Variants in GRAMD1B observed in about 807,000 individuals in gnomAD.
GRAMD1B encodes the protein protein Aster-B.
A neutral mutation model predicts 99.7 loss-of-function variants in GRAMD1B; 37 were observed. The observed-to-expected ratio is 0.37, with a 90% CI of 0.29 to 0.49. The LOEUF (loss-of-function observed/expected upper bound fraction) is 0.49, where lower values mean the gene tolerates loss of function less well. GRAMD1B is among the 20% of genes least tolerant of loss of function. The pLI, the probability that GRAMD1B is intolerant of heterozygous loss-of-function variation, is 0.98. For synonymous variants in GRAMD1B, 427 were observed against 387.6 expected, an observed-to-expected ratio of 1.10 and a Z score of -1.19; for missense variants, 888 against 1,009.2, an observed-to-expected ratio of 0.88 and a Z score of 1.63.
At chr11:123,572,233 C>T (rs2136161670) in intron 2 of GRAMD1B, among the ~76,000 whole-genome samples, 1 of 152,302 alleles carries the variant, frequency 6.6e-6, no homozygotes, top group East Asian at 1.9e-4. Context: ...GTCTTAGTCC[C>T]ATAGCCCATC....
In GRAMD1B at chr11:123,568,997, A is replaced by C. The variant is rs114970599; in HGVS notation, c.453-8370A>C. 1.3e-3 allele frequency among the ~76,000 whole-genome samples: 205 copies of C among 152,198 alleles called. 1 individual carries two copies. The highest frequency in any genetic ancestry group is 4.9e-3 in the African/African-American group (204 of 41,534). ...ACCCCAGTCCCATCCAGCATCCTGA[A>C]AAGTGTGTGTGTGGGGAAGGGGAGG... is the stretch of plus-strand genomic sequence containing the variant. On this transcript the variant is annotated intron_variant, in intron 2 of 19. Transcript: ENST00000635736.
chr11:123,575,593 A>T (rs1464757856), intron 2 of GRAMD1B, among the ~76,000 whole-genome samples: 1 of 152,204 alleles, frequency 6.6e-6, no homozygotes, highest in Non-Finnish European at 1.5e-5. Flanking sequence ...ATATGTGGTT[A>T]CGGGCTTGAG....
rs193262198 is a variant in GRAMD1B, at chr11:123,504,039, A to G, written c.452+23146A>G. ...CTGGGAAATTTGACTGTAGACTTCA[A>G]TCACTGTGCTGCACTATCCTGTCCA... is the stretch of plus-strand genomic sequence containing the variant. On this transcript the variant is annotated intron_variant, in intron 2 of 19. Transcript: ENST00000635736. Among the ~76,000 whole-genome samples, 8 of 152,316 alleles carry G rather than the reference A, an allele frequency of 5.3e-5. No homozygotes were observed. In the East Asian group the frequency reaches 5.8e-4, roughly 11 times the overall value.
At chr11:123,432,892 A>G (rs574925492) in intron 1 of GRAMD1B, among the ~76,000 whole-genome samples, 1 of 152,166 alleles carries the variant, frequency 6.6e-6, no homozygotes, top group Non-Finnish European at 1.5e-5. Context: ...TTCTGTTTGC[A>G]ACAACTGAGC....
At chr11:123,516,717 A>G (rs1941704680) in intron 2 of GRAMD1B, among the ~76,000 whole-genome samples, 1 of 152,184 alleles carries the variant, frequency 6.6e-6, no homozygotes. Flanking sequence ...GTTTTGGAAA[A>G]CAGAGATATA....
At chr11:123,598,882 C>G in intron 7 of GRAMD1B, 1 of 1,380,000 alleles carries the variant, frequency 7.2e-7, no homozygotes, top group South Asian at 1.2e-5. Context: ...TGAAGGTACT[C>G]AAGCAGCATC....
chr11:123,592,684 T>C (rs1950801120), intron 4 of GRAMD1B, among the ~76,000 whole-genome samples: 1 of 152,146 alleles, frequency 6.6e-6, no homozygotes, highest in Non-Finnish European at 1.5e-5. Flanking sequence ...GAATGTTGTT[T>C]TCTAAGTTTT....
chr11:123,533,155 G>A (rs1217414113), intron 2 of GRAMD1B, among the ~76,000 whole-genome samples: 1 of 151,866 alleles, frequency 6.6e-6, no homozygotes, highest in African/African-American at 2.4e-5. Flanking sequence ...TTTTTTAGTA[G>A]AGACAGGGTT....
intron 1 of GRAMD1B, among the ~76,000 whole-genome samples, chr11:123,414,291 C>G (rs372567097): frequency 6.6e-6 from 1 of 152,122 alleles, no homozygotes; most frequent in Admixed American, 6.5e-5. Context: ...GTGATCCACC[C>G]GCTTTGGCCT....
At chr11:123,543,558 A>G (rs1200194279) in intron 2 of GRAMD1B, among the ~76,000 whole-genome samples, 2 of 152,238 alleles carry the variant, frequency 1.3e-5, no homozygotes, top group Non-Finnish European at 2.9e-5. Context: ...AAGTGGAGAG[A>G]GATACCTATA....
At chr11:123,483,226 G>A (rs996998112) in intron 2 of GRAMD1B, among the ~76,000 whole-genome samples, 1 of 152,108 alleles carries the variant, frequency 6.6e-6, no homozygotes, top group African/African-American at 2.4e-5. Context: ...AACTGAGAAC[G>A]AAGTGACTAA....
At chr11:123,517,161 C>T (rs560883178) in intron 2 of GRAMD1B, among the ~76,000 whole-genome samples, 158 of 152,306 alleles carry the variant, frequency 1.0e-3, no homozygotes, top group African/African-American at 3.7e-3. Flanking sequence ...CTCAAATGAT[C>T]CACCTGTCTC....
intron 19 of GRAMD1B, among the ~76,000 whole-genome samples, chr11:123,621,617 G>A (rs532128986): frequency 6.6e-6 from 1 of 152,346 alleles, no homozygotes; most frequent in South Asian, 2.1e-4. Context: ...CTTAGCAGAC[G>A]GGTGACACTG....
At chr11:123,604,648 A>C (rs1952455375) in intron 9 of GRAMD1B, among the ~76,000 whole-genome samples, 1 of 152,208 alleles carries the variant, frequency 6.6e-6, no homozygotes, top group Non-Finnish European at 1.5e-5. Context: ...ACCTCTATGA[A>C]TACCCATTTG....
chr11:123,444,582 C>T (rs574165088), intron 1 of GRAMD1B, among the ~76,000 whole-genome samples: 16 of 152,152 alleles, frequency 1.1e-4, no homozygotes, highest in African/African-American at 2.9e-4. Flanking sequence ...TTCCATGGCC[C>T]GAATTAGTTT....
intron 1 of GRAMD1B, among the ~76,000 whole-genome samples, chr11:123,362,294 A>G (rs1481147266): frequency 6.6e-6 from 1 of 152,192 alleles, no homozygotes; most frequent in Non-Finnish European, 1.5e-5. Context: ...AACTCTCTGA[A>G]TCCTTTGGCT....
In GRAMD1B at chr11:123,600,557, G is replaced by A. The variant is rs141277803; in HGVS notation, c.1050+9G>A. The A allele has an allele frequency of 4.4e-4, 708 of 1,592,216 alleles. No homozygotes were observed. The highest frequency in any genetic ancestry group is 4.5e-4 in the Non-Finnish European group (521 of 1,161,044). On this transcript the variant is annotated intron_variant, in intron 8 of 19. Coordinates refer to ENST00000635736, the MANE Select transcript of GRAMD1B (RefSeq NM_001387025.1). ...ATGCTCTCCTTGAAAAGGTAAGTAC[G>A]GCCGAGTTTGCTTTTACTGTGGGAC... is the stretch of plus-strand genomic sequence containing the variant.
At chr11:123,461,545 T>C (rs1335352727) in intron 1 of GRAMD1B, among the ~76,000 whole-genome samples, 1 of 152,246 alleles carries the variant, frequency 6.6e-6, no homozygotes, top group Non-Finnish European at 1.5e-5. Flanking sequence ...CTCTGTCTTT[T>C]TTGGATTGTC....
intron 2 of GRAMD1B, among the ~76,000 whole-genome samples, chr11:123,497,769 T>G (rs1418608351): frequency 3.3e-5 from 5 of 151,632 alleles, no homozygotes; most frequent in Non-Finnish European, 5.9e-5. Flanking sequence ...GGCATGGTGG[T>G]GGGTGCCTGT....
Sources: allele counts gnomAD v4.1 joint callset (sites outside exome capture counted in the v4.1 genomes callset), GRCh38; gene constraint gnomAD v4.1.1; transcripts MANE v1.5; gene names NCBI Gene and HGNC (gene_info 2026-07-23, HGNC 2026-07-21).